The following CHUK variants were observed in gnomAD, a reference collection of about 807,000 sequenced individuals.
The protein encoded by CHUK is inhibitor of nuclear factor kappa-B kinase subunit alpha.
In CHUK, 35 loss-of-function variants were observed where a neutral mutation model predicts 104.8. The observed-to-expected ratio is 0.33, with a 90% confidence interval of 0.26 to 0.44. CHUK has a LOEUF of 0.44. CHUK is among the 20% of genes least tolerant of loss of function. CHUK has a pLI of 1.00. For synonymous variants in CHUK, 276 were observed against 291.9 expected, an observed-to-expected ratio of 0.95 and a Z score of 0.56; for missense variants, 663 against 902.7, an observed-to-expected ratio of 0.73 and a Z score of 3.40.
At chr10:100,195,741 A>C (rs1218818611) in intron 16 of CHUK, 3 of 152,232 alleles carry the variant, frequency 2.0e-5, no homozygotes, top group Non-Finnish European at 4.4e-5. Flanking sequence ...GTGATTATAT[A>C]ATAGGCCCCA....
rs1846188591 is a variant in CHUK at position 100,229,519 on chromosome 10, G to T, written c.14C>A (p.Pro5Gln). 1.3e-6 allele frequency: 2 copies of T among 1,548,638 alleles called. No individual in the cohort carries two copies. Among genetic ancestry groups the T allele is most frequent in the South Asian group, 1.2e-5 (1 of 85,542 alleles). MERP[P>Q]GLRPGAGGPW... ...CCCGCCCGCGCCCGGCCGCAGCCCCGGGGGCCGCTCCATGGGGCGGGAGGG... is the reference window on the plus strand; with the variant it reads ...CCCGCCCGCGCCCGGCCGCAGCCCCTGGGGCCGCTCCATGGGGCGGGAGGG... The change falls in exon 1 of 21, where the codon CCG becomes CAG. Residue 5 changes from proline to glutamine, a missense_variant. Physicochemically the swap from Pro to Gln is moderately conservative, Grantham distance 76. Coordinates refer to ENST00000370397, the MANE Select transcript of CHUK (RefSeq NM_001278.5).
At position 100,189,112 on chromosome 10, in the gene CHUK, C is replaced by T. The variant is rs1845136307; in HGVS notation, c.*486G>A. 3 of 157,926 alleles carry T rather than the reference C, an allele frequency of 1.9e-5. No homozygotes were observed. The South Asian group carries it at 5.5e-4, about 29-fold the overall frequency. The allele number at this position is 157,926 out of a possible 1,614,324, so 9.8% of individuals were successfully genotyped here. A position where few individuals can be genotyped will look rare whatever the true frequency, so the allele number is the denominator to read the frequency against. ...GCAACACAAGGAGGTAGAATTTATT[C>T]TTCAAGAAATAGAACTTGTGAGCAG... On this transcript the variant is annotated 3_prime_UTR_variant, in exon 21 of 21. Coordinates refer to ENST00000370397, the MANE Select transcript of CHUK (RefSeq NM_001278.5).
At position 100,192,510 on chromosome 10, in the gene CHUK, T is replaced by C. The variant is rs1053427080; in HGVS notation, c.2108+788A>G. 6 of 650,220 alleles carry C rather than the reference T, an allele frequency of 9.2e-6. No homozygotes were observed. In the East Asian group the frequency reaches 8.3e-4, roughly 90 times the overall value. The allele number at this position is 650,220 out of a possible 1,614,324, so 40.3% of individuals were successfully genotyped here. A position where few individuals can be genotyped will look rare whatever the true frequency, so the allele number is the denominator to read the frequency against. The stretch of plus-strand genomic sequence containing the variant: ...GTGCTTTTCTCTCATAAAAGTAGAG[T>C]ACAGAATGTGCAACTGCATGACCTC... On this transcript the variant is annotated intron_variant, in intron 19 of 20. Transcript: ENST00000370397.
chr10:100,207,384 T>A, intron 10 of CHUK, 52 bp from the exon 11 acceptor site: 1 of 903,882 alleles, frequency 1.1e-6, no homozygotes, highest in Non-Finnish European at 1.8e-6. Context: ...TTGAAAATCC[T>A]AGGTTTTCTA....
At chr10:100,208,782 T>TAAAAAA (rs56149905) in intron 10 of CHUK, among the ~76,000 whole-genome samples, 2 of 125,526 alleles carry the variant, frequency 1.6e-5, no homozygotes, top group East Asian at 2.3e-4. Flanking sequence ...CAAGACTGTC[T>TAAAAAA]AAAAAAAAAA....
At chr10:100,206,427 G>T (rs76038740) in intron 11 of CHUK, among the ~76,000 whole-genome samples, 1,766 of 151,556 alleles carry the variant, frequency 0.012, 47 homozygotes, top group African/African-American at 0.04. Flanking sequence ...AGTTATATGA[G>T]AACTCTGTAC....
At chr10:100,213,199 G>A (rs1423569139) in intron 9 of CHUK, among the ~76,000 whole-genome samples, 1 of 151,818 alleles carries the variant, frequency 6.6e-6, no homozygotes, top group Non-Finnish European at 1.5e-5. Context: ...TAAAAAATTA[G>A]GCTGGGCGCG....
intron 1 of CHUK, among the ~76,000 whole-genome samples, chr10:100,228,618 G>A (rs1243820340): frequency 6.6e-6 from 1 of 152,180 alleles, no homozygotes; most frequent in Non-Finnish European, 1.5e-5. Flanking sequence ...ATCGCGCCCT[G>A]CATTCCAGCC....
intron 2 of CHUK, among the ~76,000 whole-genome samples, 156 bp from the exon 3 acceptor site, chr10:100,223,136 G>C (rs567613473): frequency 6.6e-6 from 1 of 152,100 alleles, no homozygotes; most frequent in Admixed American, 6.5e-5. Flanking sequence ...TTAAAAATTA[G>C]TAATTTTTTA....
chr10:100,216,285 C>A (rs1453130797), intron 9 of CHUK, among the ~76,000 whole-genome samples: 1 of 152,198 alleles, frequency 6.6e-6, no homozygotes, highest in Non-Finnish European at 1.5e-5. Flanking sequence ...GCCCTGCTTT[C>A]CTAACACACT....
intron 15 of CHUK, among the ~76,000 whole-genome samples, chr10:100,200,391 T>C (rs1726721449): frequency 6.6e-6 from 1 of 152,220 alleles, no homozygotes. Context: ...AGAGGTATAA[T>C]GAGTAGGGAA....
chr10:100,192,839 A>C (rs1845235484), intron 19 of CHUK: 1 of 646,816 alleles, frequency 1.5e-6, no homozygotes, highest in South Asian at 6.1e-5. Flanking sequence ...AAGTTATAAA[A>C]TAGATCTCAA....
At chr10:100,223,006 T>TA (rs760778830) in intron 2 of CHUK, 26 bp from the exon 3 acceptor site, 59 of 1,173,218 alleles carry the variant, frequency 5.0e-5, no homozygotes, top group Non-Finnish European at 6.5e-5. Context: ...AACATTACAA[T>TA]AAAAAAAATT....
chr10:100,207,708 G>T (rs1845621558), intron 10 of CHUK, among the ~76,000 whole-genome samples: 1 of 152,172 alleles, frequency 6.6e-6, no homozygotes, highest in African/African-American at 2.4e-5. Flanking sequence ...CATTTATATG[G>T]AATGTTCAGA....
chr10:100,222,388 T>C (rs1296724465), intron 3 of CHUK, among the ~76,000 whole-genome samples: 1 of 152,096 alleles, frequency 6.6e-6, no homozygotes, highest in East Asian at 1.9e-4. Flanking sequence ...CAAAAAGCAT[T>C]TGAAACTGGA....
chr10:100,221,378 T>TA (rs1223067004), intron 4 of CHUK, among the ~76,000 whole-genome samples: 1 of 151,928 alleles, frequency 6.6e-6, no homozygotes, highest in African/African-American at 2.4e-5. Context: ...GAGGTTACAG[T>TA]AAGCTGAGAT....
intron 13 of CHUK, 133 bp downstream of exon 13, chr10:100,204,373 G>A (rs1413877594): frequency 1.3e-6 from 1 of 761,282 alleles, no homozygotes. Context: ...CATGGTTTAT[G>A]TTAATTTAAG....
intron 20 of CHUK, among the ~76,000 whole-genome samples, chr10:100,189,834 CTTT>C (rs34571703): frequency 1.2e-4 from 17 of 139,130 alleles, no homozygotes; most frequent in African/African-American, 4.5e-4. Flanking sequence ...CTTTTCTTTT[CTTT>C]TTTTTTTTTT....
Position 100,189,637 on chromosome 10 carries a change from G to C in CHUK, c.2209-10C>G. 7.5e-6 allele frequency: 12 copies of C among 1,608,258 alleles called. No individual in the cohort carries two copies. Among genetic ancestry groups the C allele is most frequent in the Non-Finnish European group, 1.0e-5 (12 of 1,174,770 alleles). On this transcript the variant is annotated splice_polypyrimidine_tract_variant and intron_variant, in intron 20 of 20. Coordinates refer to ENST00000370397, the MANE Select transcript of CHUK (RefSeq NM_001278.5). ...AACTCCAATCAAGATTCTAAAACCA[G>C]GCATGAAAAAGTTACAATTAGATGT... is the stretch of plus-strand genomic sequence containing the variant.
Sources: allele counts gnomAD v4.1 joint callset (sites outside exome capture counted in the v4.1 genomes callset), GRCh38; gene constraint gnomAD v4.1.1; transcripts MANE v1.5; gene names NCBI Gene and HGNC (gene_info 2026-07-23, HGNC 2026-07-21).